Variants in PNPLA7 observed in about 807,000 individuals in gnomAD.
PNPLA7 encodes patatin like domain 7, lysophospholipase.
In PNPLA7, 153 loss-of-function variants were observed where a neutral mutation model predicts 161.7. That is an observed-to-expected ratio of 0.95 (90% CI 0.83 to 1.08). The LOEUF is 1.08. Ranked by LOEUF, PNPLA7 falls within the 50% of genes least tolerant of loss-of-function variation. PNPLA7 has a pLI of 0.00. For missense variants in PNPLA7, 1,739 were observed against 1,856.6 expected (o/e 0.94, Z 1.16); for synonymous variants, 809 against 782.1 (o/e 1.03, Z -0.57).
intron 25 of PNPLA7, among the ~76,000 whole-genome samples, chr9:137,471,597 C>CA (rs11451865): frequency 0.44 from 46,239 of 105,452 alleles, 8,590 homozygotes; most frequent in East Asian, 0.64. Context: ...GACTCCGTCT[C>CA]AAAAAAAAAA....
Position 137,468,210 on chromosome 9 carries a change from C to G in PNPLA7, c.2883-737G>C, listed in dbSNP as rs1471206537. Among the ~76,000 whole-genome samples the G allele has an allele frequency of 1.3e-5, 2 of 151,884 alleles. No individual in the cohort carries two copies. The highest frequency in any genetic ancestry group is 6.6e-5 in the Admixed American group (1 of 15,264). On this transcript the variant is annotated intron_variant, in intron 25 of 34. Transcript: ENST00000406427. The surrounding 1 kb of genome is among the most constrained non-coding windows in gnomAD (Gnocchi z 4.0). Reference sequence around the variant, plus strand: ...CCGAGACCAGGGGGCACCCCCGAGACCAGGCAGCCGGCACCCAGGGCCTCT... The same window carrying G: ...CCGAGACCAGGGGGCACCCCCGAGAGCAGGCAGCCGGCACCCAGGGCCTCT...
chr9:137,492,362 A>G (rs1427050584), intron 20 of PNPLA7: 4 of 979,296 alleles, frequency 4.1e-6, no homozygotes, highest in South Asian at 4.7e-5. Flanking sequence ...ATCACATTTC[A>G]TCTTTTCACA....
At chr9:137,474,059 T>A (rs901132710) in intron 25 of PNPLA7, among the ~76,000 whole-genome samples, 1 of 151,984 alleles carries the variant, frequency 6.6e-6, no homozygotes, top group African/African-American at 2.4e-5. Flanking sequence ...GCCCACATGG[T>A]GAAAGCCCGT....
chr9:137,534,348 G>A (rs1483949250), intron 8 of PNPLA7, among the ~76,000 whole-genome samples: 9 of 141,366 alleles, frequency 6.4e-5, no homozygotes, highest in Admixed American at 4.9e-4. Context: ...GCACTCCCAG[G>A]CTCCTCAGTG....
At chr9:137,510,208 C>T (rs570716820) in intron 12 of PNPLA7, among the ~76,000 whole-genome samples, 20 of 152,072 alleles carry the variant, frequency 1.3e-4, no homozygotes, top group African/African-American at 2.2e-4. Flanking sequence ...TCCCTTTCCC[C>T]GGGGAGTTTA....
chr9:137,532,022 G>A (rs1272963552), intron 8 of PNPLA7, among the ~76,000 whole-genome samples: 5 of 152,070 alleles, frequency 3.3e-5, no homozygotes. Context: ...TTCCTCTCCC[G>A]AACAGCCAGG....
At chr9:137,460,586 C>G (rs1376537381) in intron 34 of PNPLA7, 48 bp downstream of exon 34, 19 of 1,599,028 alleles carry the variant, frequency 1.2e-5, no homozygotes, top group Non-Finnish European at 1.6e-5. Flanking sequence ...GGGCCAGGCA[C>G]CAAGGCTCAG....
chr9:137,549,253 C>A (rs936045626), intron 1 of PNPLA7, among the ~76,000 whole-genome samples: 1 of 152,134 alleles, frequency 6.6e-6, no homozygotes, highest in Non-Finnish European at 1.5e-5. Context: ...GAGGCCGAGG[C>A]GGGCAGATCA....
intron 22 of PNPLA7, 45 bp downstream of exon 22, chr9:137,480,915 C>T (rs981470009): frequency 1.0e-4 from 155 of 1,540,280 alleles, no homozygotes; most frequent in Middle Eastern, 1.7e-4. Context: ...CTCAGGGCTG[C>T]GTTGGGCCGG....
rs1264792727 is a variant in PNPLA7, at chr9:137,464,365, C to G, written c.3131G>C (p.Ser1044Thr). ...SGAGFNSSIF[S>T]VFKDQQIEDL... ...CTCGATCTGCTGGTCCTTGAAGACGCTGAAGATGCTGCTGTTGAAGCCGGC... is the reference window on the plus strand; with the variant it reads ...CTCGATCTGCTGGTCCTTGAAGACGGTGAAGATGCTGCTGTTGAAGCCGGC... Residue 1044 changes from serine (S) to threonine (T), a missense_variant, in exon 27 of 35, where the codon AGC (serine) becomes ACC (threonine). By Grantham distance (58) the Ser-to-Thr change is moderately conservative. Transcript: ENST00000406427. 2.5e-6 allele frequency: 4 copies of G among 1,613,788 alleles called. No homozygotes were observed. The highest frequency in any genetic ancestry group is 2.5e-6 in the Non-Finnish European group (3 of 1,179,996).
chr9:137,505,187 C>CAAAAAA (rs1030910942), intron 14 of PNPLA7, among the ~76,000 whole-genome samples: 33 of 57,006 alleles, frequency 5.8e-4, no homozygotes, highest in African/African-American at 6.9e-4. Flanking sequence ...GACTCTGTCT[C>CAAAAAA]AAAAAAAAAA....
At position 137,506,049 on chromosome 9, in the gene PNPLA7, C is replaced by A. The variant is rs1270477044; in HGVS notation, c.1260G>T (p.Met420Ile). 6.2e-7 allele frequency: 1 copy of A among 1,613,190 alleles called. No individual in the cohort carries two copies. The highest frequency in any genetic ancestry group is 1.1e-5 in the South Asian group (1 of 90,896). Residue 420 changes from methionine (M) to isoleucine (I), a missense_variant, in exon 13 of 35, where the codon ATG becomes ATT. By Grantham distance (10) the Met-to-Ile change is conservative. This residue lies in a region of PNPLA7 where 481 missense variants were observed against 450.0 expected (regional missense o/e 1.07). Transcript: ENST00000406427. ...GPGSATSDLG[M>I]ACDRARVFLH... ...GGAAGACCCTGGCACGGTCACATGCCATCCCCAGATCAGAAGTGGCACTGC... is the reference window on the plus strand; with the variant it reads ...GGAAGACCCTGGCACGGTCACATGCAATCCCCAGATCAGAAGTGGCACTGC...
Position 137,495,026 on chromosome 9 carries a change from T to C in PNPLA7, c.2127+7A>G, listed in dbSNP as rs1564309696. On this transcript the variant is annotated splice_region_variant and intron_variant, in intron 19 of 34. Coordinates refer to ENST00000406427, the MANE Select transcript of PNPLA7 (RefSeq NM_001098537.3). Reference sequence around the variant, plus strand: ...CCGCTCCGCATCCTCACCCACGCCATGCTCACCTGTGGGTACCTGCGCTTG... The same window carrying C: ...CCGCTCCGCATCCTCACCCACGCCACGCTCACCTGTGGGTACCTGCGCTTG... 3 of 1,604,602 alleles carry C rather than the reference T, an allele frequency of 1.9e-6. No homozygotes were observed. The highest frequency in any genetic ancestry group is 1.7e-5 in the Admixed American group (1 of 59,828).
At chr9:137,494,941 T>C (rs985013511) in intron 19 of PNPLA7, 92 bp downstream of exon 19, 10 of 1,180,156 alleles carry the variant, frequency 8.5e-6, no homozygotes, top group Non-Finnish European at 9.7e-6. Flanking sequence ...TCACCTGCTC[T>C]GTGCCCTCAC....
chr9:137,471,066 C>T (rs927173808), intron 25 of PNPLA7, among the ~76,000 whole-genome samples: 8 of 152,288 alleles, frequency 5.3e-5, no homozygotes, highest in Non-Finnish European at 1.0e-4. Flanking sequence ...GTGGTTCCCA[C>T]CAGCACAGTA....
rs756986796 is a variant in PNPLA7, at chr9:137,498,207, G to A, written c.1796C>T (p.Ala599Val). The change falls in exon 17 of 35, where the codon GCG (alanine) becomes GTG (valine). Residue 599 changes from alanine to valine, a missense_variant. Physicochemically the swap from Ala to Val is moderately conservative, Grantham distance 64 (BLOSUM62 0). Transcript: ENST00000406427. ...CGACATCCTCTTCACCACAGTGTGC[G>A]CCACACCCAGGACGACGGTCGGCTG... ...RKQPTVVLGV[A>V]HTVVKRMSSF... The A allele has an allele frequency of 5.6e-6, 9 of 1,612,372 alleles. No individual in the cohort carries two copies. The highest frequency in any genetic ancestry group is 1.3e-5 in the African/African-American group (1 of 74,942).
chr9:137,477,780 T>C (rs1832009454), intron 25 of PNPLA7, among the ~76,000 whole-genome samples: 1 of 152,160 alleles, frequency 6.6e-6, no homozygotes, highest in African/African-American at 2.4e-5. Context: ...CAAAACGAGA[T>C]ATGTCTTCTA....
In PNPLA7 at chr9:137,467,573, G is replaced by C; in HGVS notation, c.2883-100C>G. ...TCCTCAGTTCCCAACTCCTCCACAG[G>C]CAGAGACGCTGACGCAGAGAGGGAC... On this transcript the variant is annotated intron_variant, in intron 25 of 34. Coordinates refer to ENST00000406427, the MANE Select transcript of PNPLA7 (RefSeq NM_001098537.3). This position sits in a 1 kb window ranked among gnomAD's most constrained non-coding sequence, Gnocchi z 5.1. 1 of 1,440,040 alleles carries C rather than the reference G, an allele frequency of 6.9e-7. No individual in the cohort carries two copies. Among genetic ancestry groups the C allele is most frequent in the South Asian group, 1.3e-5 (1 of 76,520 alleles). 89.2% of individuals were successfully genotyped at this position (1,440,040 alleles called of 1,614,324 possible).
At chr9:137,487,152 G>A (rs6559241) in intron 20 of PNPLA7, among the ~76,000 whole-genome samples, 2,734 of 152,342 alleles carry the variant, frequency 0.018, 87 homozygotes, top group African/African-American at 0.062. Flanking sequence ...AGGGATGGAC[G>A]GTTGCGTGCT....
Sources: gnomAD v4.1 joint callset for allele counts (sites outside exome capture counted in the v4.1 genomes callset) on GRCh38, gnomAD v4.1.1 for gene constraint, gnomAD v4.1.1 regional missense constraint, Gnocchi (gnomAD v3.1) non-coding constraint, MANE v1.5 for transcripts, NCBI Gene and HGNC (gene_info 2026-07-23, HGNC 2026-07-21) for gene names.